UBE2R2: variants seen among roughly 807,000 people sequenced by gnomAD.
UBE2R2 encodes ubiquitin conjugating enzyme E2 R2.
UBE2R2 carries 1 observed loss-of-function variant against 27.8 expected under a neutral mutation model. The ratio of observed to expected loss-of-function variants is 0.04; its 90% confidence interval spans 0.01 to 0.17. UBE2R2 has a LOEUF of 0.17. Among genes scored for constraint, UBE2R2 ranks in the 10% least tolerant of loss-of-function variants. The probability of loss-of-function intolerance (pLI) is 1.00; values close to 1 mark genes in which losing one functional copy is unlikely to be tolerated. For missense variants in UBE2R2, 100 were observed against 291.0 expected (o/e 0.34, Z 4.78); for synonymous variants, 106 against 113.3 (o/e 0.94, Z 0.41).
Position 33,917,712 on chromosome 9 carries a change from A to C in UBE2R2, c.*475A>C, listed in dbSNP as rs1822685328. On this transcript the variant is annotated 3_prime_UTR_variant, in exon 5 of 5. Coordinates refer to ENST00000263228, the MANE Select transcript of UBE2R2 (RefSeq NM_017811.4). The stretch of plus-strand genomic sequence containing the variant: ...CCACAAAACAAACTTTAAAAAAAAA[A>C]AAAAACAAATTTGCCAAGGTTTAGC... 5.3e-6 allele frequency: 1 copy of C among 188,018 alleles called. No individual in the cohort carries two copies. Among genetic ancestry groups the C allele is most frequent in the South Asian group, 1.9e-4 (1 of 5,302 alleles). 11.6% of individuals were successfully genotyped at this position (188,018 alleles called of 1,614,324 possible). A position where few individuals can be genotyped will look rare whatever the true frequency, so the allele number is the denominator to read the frequency against.
At chr9:33,829,051 A>G (rs918182997) in intron 1 of UBE2R2, among the ~76,000 whole-genome samples, 18 of 151,880 alleles carry the variant, frequency 1.2e-4, no homozygotes, top group Admixed American at 9.2e-4. Flanking sequence ...TTGTATTTTT[A>G]GTAGAGACAG....
chr9:33,882,863 C>G (rs568327620), intron 1 of UBE2R2, among the ~76,000 whole-genome samples: 3 of 152,176 alleles, frequency 2.0e-5, no homozygotes, highest in African/African-American at 7.2e-5. Context: ...CTGAGGTGGA[C>G]GGATCACCTG....
chr9:33,902,048 G>A (rs1223348478), intron 3 of UBE2R2, among the ~76,000 whole-genome samples: 2 of 151,428 alleles, frequency 1.3e-5, no homozygotes, highest in Non-Finnish European at 2.9e-5. Context: ...TGGGTAGCTG[G>A]GACCACAGGC....
rs549150115 is a variant in UBE2R2 at position 33,918,819 on chromosome 9, G to C, written c.*1582G>C. Reference sequence around the variant, plus strand: ...AAGAACCAAAGGGCAGATTAGGGACGGGGCAGGAGGGATCCTAGGATGGCC... The same window carrying C: ...AAGAACCAAAGGGCAGATTAGGGACCGGGCAGGAGGGATCCTAGGATGGCC... On this transcript the variant is annotated 3_prime_UTR_variant, in exon 5 of 5. Coordinates refer to ENST00000263228, the MANE Select transcript of UBE2R2 (RefSeq NM_017811.4). 7 of 152,578 alleles carry C rather than the reference G, an allele frequency of 4.6e-5. No homozygotes were observed. The highest frequency in any genetic ancestry group is 2.0e-4 in the Admixed American group (3 of 15,264). 9.5% of individuals were successfully genotyped at this position (152,578 alleles called of 1,614,324 possible).
chr9:33,874,570 A>G (rs1193748434), intron 1 of UBE2R2, among the ~76,000 whole-genome samples: 3 of 151,826 alleles, frequency 2.0e-5, no homozygotes, highest in Admixed American at 6.6e-5. Flanking sequence ...TTATATATGT[A>G]TATATATTAT....
At chr9:33,822,936 G>A (rs1456410832) in intron 1 of UBE2R2, among the ~76,000 whole-genome samples, 8 of 120,702 alleles carry the variant, frequency 6.6e-5, no homozygotes, top group African/African-American at 2.6e-4. Flanking sequence ...GCTGAGTCTC[G>A]CTCTGTTGCT....
intron 1 of UBE2R2, among the ~76,000 whole-genome samples, chr9:33,860,936 G>GTT (rs556082951): frequency 9.1e-6 from 1 of 109,776 alleles, no homozygotes; most frequent in Non-Finnish European, 1.8e-5. Flanking sequence ...CCTGTGTTAA[G>GTT]TTTTTTTTTG....
chr9:33,915,327 A>T (rs569239578), intron 4 of UBE2R2, among the ~76,000 whole-genome samples: 10 of 152,204 alleles, frequency 6.6e-5, no homozygotes, highest in Non-Finnish European at 1.3e-4. Context: ...CCATAGAGGT[A>T]GAAAATGCAT....
chr9:33,884,542 T>G (rs1321802065), intron 1 of UBE2R2, among the ~76,000 whole-genome samples: 3 of 152,040 alleles, frequency 2.0e-5, no homozygotes, highest in African/African-American at 7.2e-5. Context: ...CCTTCCAAAG[T>G]GTTGGGATTA....
chr9:33,827,816 CA>C (rs1820348861), intron 1 of UBE2R2, among the ~76,000 whole-genome samples: 3 of 149,376 alleles, frequency 2.0e-5, no homozygotes, highest in Non-Finnish European at 3.0e-5. Context: ...ACTAAAAATA[CA>C]AAAATTAGCT....
chr9:33,880,873 A>T (rs1821718346), intron 1 of UBE2R2, among the ~76,000 whole-genome samples: 1 of 152,084 alleles, frequency 6.6e-6, no homozygotes. Context: ...CTTGAGGTGG[A>T]ACAGTTTCAT....
intron 4 of UBE2R2, among the ~76,000 whole-genome samples, chr9:33,916,205 G>A (rs1020272841): frequency 6.6e-6 from 1 of 152,134 alleles, no homozygotes. Flanking sequence ...GCCCGGTGGG[G>A]TGGCGGGAGC....
At chr9:33,884,235 T>TCTCTCTCTCTCTCTCTCTCTCTC in intron 1 of UBE2R2, among the ~76,000 whole-genome samples, 1 of 110,824 alleles carries the variant, frequency 9.0e-6, no homozygotes, top group Non-Finnish European at 1.8e-5. Context: ...TCTCTCTCTC[T>TCTCTCTCTCTCTCTCTCTCTCTC]TCCCCCTCTC....
At chr9:33,849,346 T>G (rs1294881440) in intron 1 of UBE2R2, among the ~76,000 whole-genome samples, 2 of 152,130 alleles carry the variant, frequency 1.3e-5, no homozygotes, top group African/African-American at 2.4e-5. Flanking sequence ...TATCTTTTTG[T>G]GTGTGTAGGT....
chr9:33,891,193 G>A (rs565392448), intron 2 of UBE2R2, among the ~76,000 whole-genome samples: 2 of 151,808 alleles, frequency 1.3e-5, no homozygotes, highest in African/African-American at 4.8e-5. Flanking sequence ...GGGATTACAG[G>A]TGCCTGCCCG....
upstream of UBE2R2, among the ~76,000 whole-genome samples, chr9:33,816,740 A>C (rs1169589479): frequency 2.0e-5 from 3 of 152,170 alleles, no homozygotes; most frequent in African/African-American, 7.2e-5. Flanking sequence ...AGGGGCCTGC[A>C]GCGACCAGGC....
chr9:33,867,953 GGA>G (rs1465902338), intron 1 of UBE2R2, among the ~76,000 whole-genome samples: 1 of 152,194 alleles, frequency 6.6e-6, no homozygotes, highest in Admixed American at 6.5e-5. Flanking sequence ...GGGTCAGTCA[GGA>G]TGGTGGCCCC....
chr9:33,882,231 A>G (rs932702980), intron 1 of UBE2R2, among the ~76,000 whole-genome samples: 5 of 152,142 alleles, frequency 3.3e-5, no homozygotes, highest in African/African-American at 1.2e-4. Context: ...CAGATCTAGA[A>G]TCAGGTGTTT....
intron 1 of UBE2R2, among the ~76,000 whole-genome samples, chr9:33,877,425 G>A (rs1462431351): frequency 2.6e-5 from 4 of 151,736 alleles, no homozygotes; most frequent in African/African-American, 4.8e-5. Context: ...CTCGTGATCC[G>A]CCCGCCTCAG....
Sources: gnomAD v4.1 joint callset for allele counts (sites outside exome capture counted in the v4.1 genomes callset) on GRCh38, gnomAD v4.1.1 for gene constraint, MANE v1.5 for transcripts, NCBI Gene and HGNC (gene_info 2026-07-23, HGNC 2026-07-21) for gene names.